Variants in SNX30 observed in about 807,000 individuals in gnomAD.
SNX30 encodes sorting nexin family member 30.
A neutral mutation model predicts 46.4 loss-of-function variants in SNX30; 24 were observed. The ratio of observed to expected loss-of-function variants is 0.52; its 90% confidence interval spans 0.37 to 0.73. The LOEUF (loss-of-function observed/expected upper bound fraction) is 0.73, where lower values mean the gene tolerates loss of function less well. Ranked by LOEUF, SNX30 falls within the 30% of genes least tolerant of loss-of-function variation. The pLI, the probability that SNX30 is intolerant of heterozygous loss-of-function variation, is 0.00. For missense variants in SNX30, 533 were observed against 555.7 expected (o/e 0.96, Z 0.41); for synonymous variants, 189 against 211.5 (o/e 0.89, Z 0.92).
chr9:112,847,116 C>A (rs1249444659), intron 6 of SNX30, among the ~76,000 whole-genome samples: 1 of 152,136 alleles, frequency 6.6e-6, no homozygotes, highest in Non-Finnish European at 1.5e-5. Flanking sequence ...TAACTATAGA[C>A]CTCTTAATGA....
chr9:112,817,647 C>A, intron 2 of SNX30, 58 bp from the exon 3 acceptor site: 1 of 1,044,076 alleles, frequency 9.6e-7, no homozygotes. Context: ...TTTTCCTTCC[C>A]TTCAGCCAAG....
intron 1 of SNX30, among the ~76,000 whole-genome samples, chr9:112,777,029 T>C (rs1185455306): frequency 3.9e-5 from 6 of 152,168 alleles, no homozygotes; most frequent in Admixed American, 2.6e-4. Context: ...TTGAGTATTT[T>C]TCCAGACCCT....
At chr9:112,832,945 G>C (rs1299783306) in intron 4 of SNX30, among the ~76,000 whole-genome samples, 1 of 150,684 alleles carries the variant, frequency 6.6e-6, no homozygotes, top group Non-Finnish European at 1.5e-5. Flanking sequence ...ATACAGGAGA[G>C]GTGGCTTTAA....
At chr9:112,813,926 A>T (rs1222409828) in intron 2 of SNX30, among the ~76,000 whole-genome samples, 1 of 152,254 alleles carries the variant, frequency 6.6e-6, no homozygotes, top group Non-Finnish European at 1.5e-5. Flanking sequence ...TGCAATGAAG[A>T]TCATTATGCA....
intron 1 of SNX30, among the ~76,000 whole-genome samples, chr9:112,788,605 A>G (rs988785211): frequency 6.6e-6 from 1 of 152,186 alleles, no homozygotes; most frequent in Non-Finnish European, 1.5e-5. Context: ...CTTGTTACGT[A>G]TAAGACTTTT....
At chr9:112,765,174 CT>C (rs1839515174) in intron 1 of SNX30, among the ~76,000 whole-genome samples, 1 of 152,132 alleles carries the variant, frequency 6.6e-6, no homozygotes, top group Non-Finnish European at 1.5e-5. Context: ...GTGGAAGAGA[CT>C]CTAGGGTCAC....
chr9:112,809,551 T>G (rs1840284717), intron 2 of SNX30, among the ~76,000 whole-genome samples: 1 of 150,762 alleles, frequency 6.6e-6, no homozygotes, highest in Non-Finnish European at 1.5e-5. Context: ...TTAGCCTCAT[T>G]ACCAGTGGTG....
chr9:112,835,140 C>A (rs923015669), intron 4 of SNX30, among the ~76,000 whole-genome samples: 3 of 152,168 alleles, frequency 2.0e-5, no homozygotes, highest in African/African-American at 4.8e-5. Flanking sequence ...TCTAGTTATA[C>A]CCTTCTAGGT....
intron 1 of SNX30, among the ~76,000 whole-genome samples, chr9:112,791,922 C>T (rs1840031173): frequency 6.6e-6 from 1 of 152,054 alleles, no homozygotes; most frequent in Non-Finnish European, 1.5e-5. Context: ...ATTCTTGCTT[C>T]CCTGGAATAC....
At chr9:112,796,068 G>T (rs1840103888) in intron 1 of SNX30, among the ~76,000 whole-genome samples, 1 of 152,148 alleles carries the variant, frequency 6.6e-6, no homozygotes. Context: ...TGAAACTGCT[G>T]GGTGGTTCCT....
At chr9:112,882,955 G>C (rs1841599059), downstream of SNX30, among the ~76,000 whole-genome samples, 1 of 152,208 alleles carries the variant, frequency 6.6e-6, no homozygotes, top group African/African-American at 2.4e-5. Flanking sequence ...TGGGAGAAAA[G>C]CCAGAAGAAT....
chr9:112,808,263 C>T (rs2131407579), intron 2 of SNX30, among the ~76,000 whole-genome samples: 1 of 152,346 alleles, frequency 6.6e-6, no homozygotes, highest in South Asian at 2.1e-4. Context: ...AAATGCTTTG[C>T]TTTATTACCT....
At chr9:112,786,032 A>G (rs1839918493) in intron 1 of SNX30, among the ~76,000 whole-genome samples, 1 of 152,068 alleles carries the variant, frequency 6.6e-6, no homozygotes, top group African/African-American at 2.4e-5. Context: ...GATCTCTTGC[A>G]TATTGGCTTC....
chr9:112,854,746 A>G (rs1841093025), intron 7 of SNX30, among the ~76,000 whole-genome samples: 1 of 152,218 alleles, frequency 6.6e-6, no homozygotes, highest in African/African-American at 2.4e-5. Flanking sequence ...GTCCAAGTCC[A>G]GCACGGTTGG....
chr9:112,787,158 G>A (rs1291293996), intron 1 of SNX30, among the ~76,000 whole-genome samples: 3 of 152,176 alleles, frequency 2.0e-5, no homozygotes, highest in African/African-American at 7.2e-5. Context: ...TGTGGAAACT[G>A]TGTCTCAGGC....
intron 1 of SNX30, among the ~76,000 whole-genome samples, chr9:112,768,647 C>CTTCTTTTTCTT (rs1554748345): frequency 1.6e-5 from 1 of 64,366 alleles, no homozygotes; most frequent in African/African-American, 5.3e-5. Context: ...ATTCTTTCTT[C>CTTCTTTTTCTT]TTTTTTTTTT....
intron 1 of SNX30, among the ~76,000 whole-genome samples, chr9:112,792,842 T>C (rs1447952498): frequency 1.3e-5 from 2 of 151,976 alleles, no homozygotes; most frequent in East Asian, 3.8e-4. Context: ...TGTTTTAATT[T>C]ATGCTTTCAT....
intron 1 of SNX30, among the ~76,000 whole-genome samples, chr9:112,794,255 C>T (rs1489659739): frequency 1.3e-5 from 2 of 152,136 alleles, no homozygotes; most frequent in African/African-American, 4.8e-5. Context: ...CAAGTTCAAG[C>T]AGTTCTCCTG....
At chr9:112,843,256 A>G (rs1363386306) in intron 6 of SNX30, among the ~76,000 whole-genome samples, 1 of 152,212 alleles carries the variant, frequency 6.6e-6, no homozygotes, top group African/African-American at 2.4e-5. Context: ...GACACTTACA[A>G]ATATACAATG....
Sources: gnomAD v4.1 joint callset for allele counts (sites outside exome capture counted in the v4.1 genomes callset) on GRCh38, gnomAD v4.1.1 for gene constraint, MANE v1.5 for transcripts, NCBI Gene and HGNC (gene_info 2026-07-23, HGNC 2026-07-21) for gene names.